The following OTOP1 variants were observed in gnomAD, a reference collection of about 807,000 sequenced individuals.
OTOP1 encodes the protein proton channel OTOP1.
In OTOP1, 59 loss-of-function variants were observed where a neutral mutation model predicts 52.9. That is an observed-to-expected ratio of 1.12 (90% CI 0.91 to 1.39). The LOEUF is 1.39. Ranked by LOEUF, OTOP1 falls within the 40% of genes most tolerant of loss-of-function variation. OTOP1 has a pLI of 0.00. For synonymous variants in OTOP1, 317 were observed against 337.7 expected (o/e 0.94, Z 0.67); for missense variants, 761 against 800.9 (o/e 0.95, Z 0.60).
intron 1 of OTOP1, among the ~76,000 whole-genome samples, chr4:4,218,725 C>T (rs1226994942): frequency 2.6e-5 from 4 of 152,062 alleles, no homozygotes; most frequent in Admixed American, 1.3e-4. Context: ...GTCAGGAGTT[C>T]GAGACCAGCC....
intron 1 of OTOP1, among the ~76,000 whole-genome samples, chr4:4,221,555 G>A (rs1317930100): frequency 6.6e-6 from 1 of 152,162 alleles, no homozygotes; most frequent in South Asian, 2.1e-4. Context: ...CAAGGATGCT[G>A]TACTGATTAC....
At chr4:4,198,349 G>A (rs545964196) in intron 4 of OTOP1, among the ~76,000 whole-genome samples, 5 of 152,228 alleles carry the variant, frequency 3.3e-5, no homozygotes, top group African/African-American at 9.6e-5. Context: ...GGATAGAGAA[G>A]ATGACTCTAT....
chr4:4,196,689 C>G (rs1437128640), intron 5 of OTOP1, among the ~76,000 whole-genome samples: 2 of 152,148 alleles, frequency 1.3e-5, no homozygotes, highest in Non-Finnish European at 2.9e-5. Flanking sequence ...GATCATGCCA[C>G]TGCACTCCAG....
At chr4:4,205,104 C>T (rs963853765) in intron 3 of OTOP1, among the ~76,000 whole-genome samples, 24 of 152,126 alleles carry the variant, frequency 1.6e-4, no homozygotes, top group Admixed American at 1.5e-3. Context: ...GTAACAACAC[C>T]TTGCAGTTAG....
intron 1 of OTOP1, among the ~76,000 whole-genome samples, chr4:4,218,596 T>C (rs1273575569): frequency 6.6e-6 from 1 of 152,068 alleles, no homozygotes; most frequent in Non-Finnish European, 1.5e-5. Context: ...TGTGGCTCAC[T>C]GAGGGAAATG....
chr4:4,197,993 C>G lies in OTOP1; in HGVS notation c.841G>C (p.Ala281Pro). Residue 281 changes from alanine (A) to proline (P), a missense_variant, in exon 5 of 6, where the codon GCC becomes CCC. Transcript: ENST00000296358. Reference protein sequence around the residue: ...YPFNIEYQILASTMLYVLWKN... With the variant: ...YPFNIEYQILPSTMLYVLWKN... ...CACAGGACGTAGAGCATTGTGGAGG[C>G]CAGGATCTGATACTCTATGTTGAAG... 6.2e-7 allele frequency: 1 copy of G among 1,613,966 alleles called. No homozygotes were observed. Among genetic ancestry groups the G allele is most frequent in the Non-Finnish European group, 8.5e-7 (1 of 1,180,004 alleles).
intron 4 of OTOP1, among the ~76,000 whole-genome samples, chr4:4,202,063 C>G (rs1716800751): frequency 6.6e-6 from 1 of 152,026 alleles, no homozygotes; most frequent in African/African-American, 2.4e-5. Flanking sequence ...TTTTTAAAAG[C>G]CATACTTTTA....
chr4:4,210,311 C>A (rs568633293), intron 2 of OTOP1, among the ~76,000 whole-genome samples: 218 of 152,322 alleles, frequency 1.4e-3, no homozygotes, highest in African/African-American at 4.9e-3. Flanking sequence ...CTGGAATGAG[C>A]AGCCAGTTAT....
chr4:4,214,088 C>G (rs1717083909), intron 1 of OTOP1, among the ~76,000 whole-genome samples: 1 of 152,068 alleles, frequency 6.6e-6, no homozygotes, highest in African/African-American at 2.4e-5. Context: ...GAAACTCTGT[C>G]TCCAAAAATC....
intron 5 of OTOP1, among the ~76,000 whole-genome samples, chr4:4,190,667 T>C (rs1716481611): frequency 6.6e-6 from 1 of 152,188 alleles, no homozygotes; most frequent in Non-Finnish European, 1.5e-5. Context: ...GTAGGTTACA[T>C]GCAAATATTA....
At chr4:4,195,253 T>C (rs1160856534) in intron 5 of OTOP1, among the ~76,000 whole-genome samples, 2 of 152,238 alleles carry the variant, frequency 1.3e-5, no homozygotes, top group Non-Finnish European at 2.9e-5. Context: ...TGCCATGGTG[T>C]CTTTTGCCTC....
chr4:4,216,809 C>T (rs554843866), intron 1 of OTOP1, among the ~76,000 whole-genome samples: 1 of 152,344 alleles, frequency 6.6e-6, no homozygotes, highest in South Asian at 2.1e-4. Flanking sequence ...TCACAGAATA[C>T]ATGAGTCACT....
rs746400362 is a variant in OTOP1 at position 4,206,059 on chromosome 4, C to T, written c.599+13G>A. The T allele has an allele frequency of 1.3e-6, 2 of 1,591,066 alleles. No homozygotes were observed. The highest frequency in any genetic ancestry group is 1.1e-5 in the South Asian group (1 of 89,888). ...CAAATTCAACATATAAAGCAATTACCCACAATTTTTACCTTTCCAGTGTTT... is the reference window on the plus strand; with the variant it reads ...CAAATTCAACATATAAAGCAATTACTCACAATTTTTACCTTTCCAGTGTTT... On this transcript the variant is annotated intron_variant, in intron 3 of 5. Coordinates refer to ENST00000296358, the MANE Select transcript of OTOP1 (RefSeq NM_177998.3).
At position 4,219,494 on chromosome 4, in the gene OTOP1, G is replaced by A. The variant is rs1268518167; in HGVS notation, c.404-6490C>T. Among the ~76,000 whole-genome samples, 7 of 152,042 alleles carry A rather than the reference G, an allele frequency of 4.6e-5. No homozygotes were observed. The East Asian group carries it at 9.7e-4, about 21-fold the overall frequency. On this transcript the variant is annotated intron_variant, in intron 1 of 5. Coordinates refer to ENST00000296358, the MANE Select transcript of OTOP1 (RefSeq NM_177998.3). Reference sequence around the variant, plus strand: ...AGGCGGGCGGATCAGGATGTCGGGAGATCGAGACCATCCTGGCCAACACGG... The same window carrying A: ...AGGCGGGCGGATCAGGATGTCGGGAAATCGAGACCATCCTGGCCAACACGG...
At chr4:4,208,840 T>C (rs567311586) in intron 2 of OTOP1, among the ~76,000 whole-genome samples, 6 of 150,472 alleles carry the variant, frequency 4.0e-5, no homozygotes, top group Non-Finnish European at 7.4e-5. Flanking sequence ...TACTTGGAAA[T>C]AGAAATAAGA....
chr4:4,205,270 T>G (rs1339696586), intron 3 of OTOP1, among the ~76,000 whole-genome samples: 1 of 152,206 alleles, frequency 6.6e-6, no homozygotes, highest in African/African-American at 2.4e-5. Context: ...AGGCAGGCTA[T>G]GTTATTTTCT....
At chr4:4,194,025 T>TA (rs1716570182) in intron 5 of OTOP1, among the ~76,000 whole-genome samples, 1 of 152,028 alleles carries the variant, frequency 6.6e-6, no homozygotes, top group African/African-American at 2.4e-5. Flanking sequence ...CTGTCTCTAC[T>TA]AAAAATAGAA....
chr4:4,196,714 C>T (rs1406269971), intron 5 of OTOP1, among the ~76,000 whole-genome samples: 8 of 152,016 alleles, frequency 5.3e-5, no homozygotes, highest in African/African-American at 9.7e-5. Flanking sequence ...GGCAACAGGG[C>T]GCGACCCTGT....
chr4:4,217,647 A>C (rs972738403), intron 1 of OTOP1, among the ~76,000 whole-genome samples: 4 of 152,218 alleles, frequency 2.6e-5, no homozygotes, highest in African/African-American at 9.6e-5. Flanking sequence ...GTAAATAGTA[A>C]ACATATAAAG....
Sources: gnomAD v4.1 joint callset for allele counts (sites outside exome capture counted in the v4.1 genomes callset) on GRCh38, gnomAD v4.1.1 for gene constraint, MANE v1.5 for transcripts, NCBI Gene and HGNC (gene_info 2026-07-23, HGNC 2026-07-21) for gene names.